The following KIF26B variants were observed in gnomAD, a reference collection of about 807,000 sequenced individuals.
KIF26B encodes the protein kinesin family member 26B.
A neutral mutation model predicts 151.2 loss-of-function variants in KIF26B; 63 were observed. The observed-to-expected ratio is 0.42, with a 90% confidence interval of 0.34 to 0.51. KIF26B has a LOEUF of 0.51. Ranked by LOEUF, KIF26B falls within the 20% of genes least tolerant of loss-of-function variation. KIF26B has a pLI of 0.07. For missense variants in KIF26B, 2,813 were observed against 2,913.6 expected, an observed-to-expected ratio of 0.97 and a Z score of 0.79; for synonymous variants, 1,357 against 1,262.1, an observed-to-expected ratio of 1.08 and a Z score of -1.59.
chr1:245,646,128 A>C lies in KIF26B; in HGVS notation c.2106A>C (p.Gly702=). Residue 702 remains glycine, a synonymous_variant, in exon 10 of 15, where the codon GGA becomes GGC. Coordinates refer to ENST00000407071, the MANE Select transcript of KIF26B (RefSeq NM_018012.4). Reference sequence around the variant, plus strand: ...TCTTCTCCCCTGTGGTAGTGTCTGGAGGTCGCAGCCGCCTGCATCTCATTG... The same window carrying C: ...TCTTCTCCCCTGTGGTAGTGTCTGGCGGTCGCAGCCGCCTGCATCTCATTG... ...MEKSGKGGMS[G]GRSRLHLIDL... The C allele has an allele frequency of 6.2e-7, 1 of 1,613,830 alleles. No homozygotes were observed. Among genetic ancestry groups the C allele is most frequent in the Non-Finnish European group, 8.5e-7 (1 of 1,179,836 alleles).
intron 2 of KIF26B, among the ~76,000 whole-genome samples, chr1:245,231,561 AAAG>A (rs1669998588): frequency 1.3e-5 from 2 of 152,180 alleles, no homozygotes; most frequent in Admixed American, 6.6e-5. Context: ...TTTATGGAAA[AAAG>A]AAGATGTGAC....
rs1170375610 is a variant in KIF26B, at chr1:245,618,545, G to C, written c.2098+6569G>C. 2.7e-5 allele frequency among the ~76,000 whole-genome samples: 4 copies of C among 149,442 alleles called. No homozygotes were observed. The East Asian group carries it at 6.0e-4, about 23-fold the overall frequency. Reference sequence around the variant, plus strand: ...GGTCCTTGAGACAGAGTGCCACAGTGCTGGGGCTGTGTCTGCTGTGTGCTG... The same window carrying C: ...GGTCCTTGAGACAGAGTGCCACAGTCCTGGGGCTGTGTCTGCTGTGTGCTG... On this transcript the variant is annotated intron_variant, in intron 9 of 14. Coordinates refer to ENST00000407071, the MANE Select transcript of KIF26B (RefSeq NM_018012.4).
chr1:245,694,990 G>A (rs1363380990), intron 12 of KIF26B, among the ~76,000 whole-genome samples: 3 of 152,114 alleles, frequency 2.0e-5, no homozygotes, highest in Non-Finnish European at 2.9e-5. Flanking sequence ...TCAGACAGGC[G>A]GCGTCCAATG....
intron 5 of KIF26B, among the ~76,000 whole-genome samples, chr1:245,574,869 T>C (rs1048020419): frequency 3.2e-5 from 4 of 125,416 alleles, no homozygotes; most frequent in South Asian, 5.8e-4. Flanking sequence ...TTTTTCTTTT[T>C]TTTTTTTTTT....
In KIF26B at chr1:245,606,788, C is replaced by T. The variant is rs561531091; in HGVS notation, c.1558-863C>T. ...TTTGAAAAGAGGAGCATGGGACGGG[C>T]GCAGTGGCTCACGCCTGTAATCCCA... On this transcript the variant is annotated intron_variant, in intron 6 of 14. Transcript: ENST00000407071. This position sits in a 1 kb window ranked among gnomAD's most constrained non-coding sequence, Gnocchi z 4.6. 2.6e-5 allele frequency among the ~76,000 whole-genome samples: 4 copies of T among 152,262 alleles called. No homozygotes were observed. Among genetic ancestry groups the T allele is most frequent in the South Asian group, 4.1e-4 (2 of 4,824 alleles).
At chr1:245,182,514 A>G (rs925120864) in intron 2 of KIF26B, among the ~76,000 whole-genome samples, 7 of 152,174 alleles carry the variant, frequency 4.6e-5, no homozygotes, top group African/African-American at 1.7e-4. Flanking sequence ...TTTGGCTATT[A>G]TGAATAATGC....
chr1:245,640,141 C>CTA (rs370302117), intron 9 of KIF26B, among the ~76,000 whole-genome samples: 2,234 of 31,652 alleles, frequency 0.071, 180 homozygotes, highest in Non-Finnish European at 0.097. Context: ...CTCTCTCTCT[C>CTA]TCTATATATA....
chr1:245,202,886 A>T (rs1454789004), intron 2 of KIF26B, among the ~76,000 whole-genome samples: 2 of 151,616 alleles, frequency 1.3e-5, no homozygotes, highest in African/African-American at 2.4e-5. Flanking sequence ...GGTTGCAGTG[A>T]GCCGAGATCC....
intron 2 of KIF26B, among the ~76,000 whole-genome samples, chr1:245,337,834 G>A (rs533632746): frequency 6.6e-6 from 1 of 152,312 alleles, no homozygotes; most frequent in East Asian, 1.9e-4. Flanking sequence ...AGGTGACAAA[G>A]CTCATGCTTG....
intron 10 of KIF26B, among the ~76,000 whole-genome samples, chr1:245,666,710 T>A (rs2044219537): frequency 6.6e-6 from 1 of 152,058 alleles, no homozygotes; most frequent in Non-Finnish European, 1.5e-5. Flanking sequence ...CTTTTTTACA[T>A]GCCAGAGGTA....
intron 12 of KIF26B, among the ~76,000 whole-genome samples, chr1:245,693,618 C>T (rs12090971): frequency 0.021 from 3,220 of 152,222 alleles, 102 homozygotes; most frequent in African/African-American, 0.074. Context: ...GACTGATGGG[C>T]CTGTCTTGTG....
At chr1:245,291,819 C>T (rs191724772) in intron 2 of KIF26B, among the ~76,000 whole-genome samples, 1 of 152,108 alleles carries the variant, frequency 6.6e-6, no homozygotes, top group East Asian at 1.9e-4. Flanking sequence ...AGTGTGGGGC[C>T]CAGAGACGGT....
chr1:245,416,186 A>G (rs1022205802), intron 3 of KIF26B, among the ~76,000 whole-genome samples: 1 of 148,776 alleles, frequency 6.7e-6, no homozygotes, highest in Non-Finnish European at 1.5e-5. Context: ...AGGCTGAGGT[A>G]GGAGAATCTC....
At chr1:245,233,647 TAAAAAA>T (rs912671004) in intron 2 of KIF26B, among the ~76,000 whole-genome samples, 1 of 151,572 alleles carries the variant, frequency 6.6e-6, no homozygotes, top group Non-Finnish European at 1.5e-5. Context: ...TACACACACT[TAAAAAA>T]AAATCTCTTA....
chr1:245,288,736 A>G (rs1671207652), intron 2 of KIF26B, among the ~76,000 whole-genome samples: 1 of 152,300 alleles, frequency 6.6e-6, no homozygotes, highest in African/African-American at 2.4e-5. Flanking sequence ...AGGTTTGTGA[A>G]TTAGTTCTTA....
At chr1:245,331,081 G>A (rs901820007) in intron 2 of KIF26B, among the ~76,000 whole-genome samples, 9 of 152,008 alleles carry the variant, frequency 5.9e-5, no homozygotes, top group African/African-American at 2.2e-4. Flanking sequence ...GAGCAGGAAC[G>A]CAGCCGCGGC....
chr1:245,455,310 C>T (rs1659492455), intron 4 of KIF26B, among the ~76,000 whole-genome samples: 1 of 152,096 alleles, frequency 6.6e-6, no homozygotes, highest in African/African-American at 2.4e-5. Flanking sequence ...TCGAGACCAT[C>T]CTGGCCAACA....
intron 2 of KIF26B, among the ~76,000 whole-genome samples, chr1:245,179,351 C>T (rs1252049895): frequency 6.6e-6 from 1 of 152,160 alleles, no homozygotes; most frequent in Non-Finnish European, 1.5e-5. Flanking sequence ...AGGCCGGGCG[C>T]AGTGGCTCAT....
chr1:245,664,437 C>G (rs956404434), intron 10 of KIF26B, among the ~76,000 whole-genome samples: 2 of 151,658 alleles, frequency 1.3e-5, no homozygotes, highest in African/African-American at 4.8e-5. Flanking sequence ...TCATATTGCT[C>G]CTTTGCTTTT....
Sources: gnomAD v4.1 joint callset for allele counts (sites outside exome capture counted in the v4.1 genomes callset) on GRCh38, gnomAD v4.1.1 for gene constraint, Gnocchi (gnomAD v3.1) non-coding constraint, MANE v1.5 for transcripts, NCBI Gene and HGNC (gene_info 2026-07-23, HGNC 2026-07-21) for gene names.